MYO1D: variants seen among roughly 807,000 people sequenced by gnomAD.
MYO1D encodes myosin ID.
A neutral mutation model predicts 122.0 loss-of-function variants in MYO1D; 83 were observed. The observed-to-expected ratio is 0.68, with a 90% CI of 0.57 to 0.82. The LOEUF is 0.82. Ranked by LOEUF, MYO1D falls within the 40% of genes least tolerant of loss-of-function variation. The probability of loss-of-function intolerance (pLI) is 0.00; values close to 1 mark genes in which losing one functional copy is unlikely to be tolerated. For synonymous variants in MYO1D, 464 were observed against 446.9 expected (o/e 1.04, Z -0.48); for missense variants, 1,157 against 1,269.5 (o/e 0.91, Z 1.35).
In MYO1D at chr17:32,565,790, T is replaced by G. The variant is rs117307990; in HGVS notation, c.2864+39297A>C. On this transcript the variant is annotated intron_variant, in intron 21 of 21. Coordinates refer to ENST00000318217, the MANE Select transcript of MYO1D (RefSeq NM_015194.3). ...CTCAGGCTGGAGTGCAGTGGCGAGATCTTGCCTCACTGCAACCCCTCCCAG... is the reference window on the plus strand; with the variant it reads ...CTCAGGCTGGAGTGCAGTGGCGAGAGCTTGCCTCACTGCAACCCCTCCCAG... Among the ~76,000 whole-genome samples the G allele has an allele frequency of 9.1e-3, 1,381 of 152,104 alleles. 7 individuals are homozygous for G. Among genetic ancestry groups the G allele is most frequent in the Middle Eastern group, 0.017 (5 of 294 alleles).
chr17:32,825,193 C>T (rs2090709966), intron 1 of MYO1D, among the ~76,000 whole-genome samples: 1 of 152,152 alleles, frequency 6.6e-6, no homozygotes, highest in South Asian at 2.1e-4. Flanking sequence ...AAATTAAGTA[C>T]TACTACAACA....
chr17:32,770,418 C>T (rs1445373661), intron 6 of MYO1D, among the ~76,000 whole-genome samples: 1 of 151,980 alleles, frequency 6.6e-6, no homozygotes, highest in African/African-American at 2.4e-5. Flanking sequence ...ATAATTAATA[C>T]TGTGATCTAT....
Position 32,767,731 on chromosome 17 carries a change from C to A in MYO1D, c.736G>T (p.Glu246Ter). 4 of 1,613,224 alleles carry A rather than the reference C, an allele frequency of 2.5e-6. No individual in the cohort carries two copies. The highest frequency in any genetic ancestry group is 3.4e-6 in the Non-Finnish European group (4 of 1,179,466). The change falls in exon 7 of 22, where the codon GAA becomes TAA. Residue 246 changes from glutamate to a stop codon, truncating the protein, a stop_gained. Transcript: ENST00000318217. LOFTEE classifies it high-confidence loss of function. Reference sequence around the variant, plus strand: ...ATGGCATCAGCAACAACTCTGAATTCGGCAGCATCATTGATAGAAGACTGG... The same window carrying A: ...ATGGCATCAGCAACAACTCTGAATTAGGCAGCATCATTGATAGAAGACTGG... Reference protein sequence around the residue: ...QLKSSINDAAEFRVVADAMKV... With the variant: ...QLKSSINDAA
intron 21 of MYO1D, among the ~76,000 whole-genome samples, chr17:32,595,564 C>A (rs956258625): frequency 6.6e-6 from 1 of 151,942 alleles, no homozygotes; most frequent in African/African-American, 2.4e-5. Context: ...ATTGAGTTAC[C>A]ATCTTCTGGT....
At chr17:32,658,000 G>T (rs762469863) in intron 17 of MYO1D, among the ~76,000 whole-genome samples, 6 of 152,138 alleles carry the variant, frequency 3.9e-5, no homozygotes, top group African/African-American at 4.8e-5. Flanking sequence ...GGAAAAAAAT[G>T]CTCAAATCAT....
intron 16 of MYO1D, among the ~76,000 whole-genome samples, chr17:32,708,540 T>C (rs2089336665): frequency 1.3e-5 from 2 of 152,218 alleles, no homozygotes; most frequent in Non-Finnish European, 2.9e-5. Context: ...ATTAAATTTC[T>C]ATAAGGATAC....
intron 6 of MYO1D, among the ~76,000 whole-genome samples, chr17:32,770,287 T>C (rs1479244931): frequency 6.6e-6 from 1 of 152,182 alleles, no homozygotes; most frequent in Non-Finnish European, 1.5e-5. Flanking sequence ...TTAGATCTTT[T>C]TCCTTTACAG....
chr17:32,578,756 T>G (rs1339688625), intron 21 of MYO1D, among the ~76,000 whole-genome samples: 2 of 152,244 alleles, frequency 1.3e-5, no homozygotes. Context: ...TTGACCTTGT[T>G]GTCTTCTTTC....
chr17:32,861,175 T>A (rs1454554819), intron 1 of MYO1D, among the ~76,000 whole-genome samples: 1 of 122,974 alleles, frequency 8.1e-6, no homozygotes, highest in East Asian at 2.5e-4. Flanking sequence ...TTCATGCCAT[T>A]CTCCTGCTTC....
chr17:32,848,589 T>C (rs925631920), intron 1 of MYO1D, among the ~76,000 whole-genome samples: 2 of 152,250 alleles, frequency 1.3e-5, no homozygotes, highest in African/African-American at 2.4e-5. Flanking sequence ...ACAGAGGCCA[T>C]TAGTGGGCTT....
chr17:32,876,686 C>T, intron 1 of MYO1D, 92 bp downstream of exon 1: 1 of 1,082,174 alleles, frequency 9.2e-7, no homozygotes, highest in Non-Finnish European at 1.3e-6. Flanking sequence ...AGCTTGGGCG[C>T]TCCCGACACC....
At chr17:32,864,461 T>A (rs1196192275) in intron 1 of MYO1D, among the ~76,000 whole-genome samples, 1 of 145,902 alleles carries the variant, frequency 6.9e-6, no homozygotes, top group African/African-American at 2.5e-5. Flanking sequence ...GCAAGCAACA[T>A]CATGAGACTG....
intron 21 of MYO1D, among the ~76,000 whole-genome samples, chr17:32,552,844 A>C (rs1597893028): frequency 6.6e-6 from 1 of 152,224 alleles, no homozygotes; most frequent in East Asian, 1.9e-4. Context: ...ACTCCATGTA[A>C]GTAACTGGAA....
intron 20 of MYO1D, among the ~76,000 whole-genome samples, chr17:32,622,387 TGG>T (rs1327680520): frequency 1.5e-4 from 23 of 152,282 alleles, no homozygotes; most frequent in Admixed American, 5.2e-4. Flanking sequence ...GGCAGTGTTC[TGG>T]GAACAAGAGA....
intron 21 of MYO1D, among the ~76,000 whole-genome samples, chr17:32,545,668 C>T (rs2086959817): frequency 6.6e-6 from 1 of 152,020 alleles, no homozygotes; most frequent in African/African-American, 2.4e-5. Context: ...CATGAAAGGT[C>T]AATTATTATA....
intron 16 of MYO1D, among the ~76,000 whole-genome samples, chr17:32,660,011 T>A (rs2088539557): frequency 6.6e-6 from 1 of 152,130 alleles, no homozygotes; most frequent in South Asian, 2.1e-4. Context: ...TCAGGATCCT[T>A]TGTCAGGTAC....
chr17:32,874,304 C>CTG (rs1555550659), intron 1 of MYO1D, among the ~76,000 whole-genome samples: 14 of 149,274 alleles, frequency 9.4e-5, no homozygotes, highest in South Asian at 2.1e-4. Flanking sequence ...GTCTCTGTCT[C>CTG]TCTCTCTCTC....
intron 1 of MYO1D, among the ~76,000 whole-genome samples, chr17:32,824,631 T>C (rs1275999543): frequency 6.6e-6 from 1 of 152,242 alleles, no homozygotes; most frequent in Non-Finnish European, 1.5e-5. Context: ...ACTGCATTAC[T>C]GTCTGAGGTC....
chr17:32,610,694 C>T lies in MYO1D; in HGVS notation c.2710-5453G>A, dbSNP rs1157643448. On this transcript the variant is annotated intron_variant, in intron 20 of 21. Transcript: ENST00000318217. The stretch of plus-strand genomic sequence containing the variant: ...AAAAGTAAATAAGCAAAAAAACCCT[C>T]TGTCTTCGAGGGTCTTACACTCTAA... Among the ~76,000 whole-genome samples the T allele has an allele frequency of 2.6e-5, 4 of 152,340 alleles. No homozygotes were observed. In the East Asian group the frequency reaches 7.7e-4, roughly 29 times the overall value.
Sources: allele counts gnomAD v4.1 joint callset (sites outside exome capture counted in the v4.1 genomes callset), GRCh38; gene constraint gnomAD v4.1.1; transcripts MANE v1.5; gene names NCBI Gene and HGNC (gene_info 2026-07-23, HGNC 2026-07-21).